PLEKHA7: variants seen among roughly 807,000 people sequenced by gnomAD.
PLEKHA7 encodes the protein pleckstrin homology domain containing A7.
Under a neutral mutation model 170.0 loss-of-function variants are expected in PLEKHA7, and 104 were observed. The ratio of observed to expected loss-of-function variants is 0.61; its 90% CI spans 0.52 to 0.72. The LOEUF (loss-of-function observed/expected upper bound fraction) is 0.72. Ranked by LOEUF, PLEKHA7 falls within the 30% of genes least tolerant of loss-of-function variation. PLEKHA7 has a pLI of 0.00. For synonymous variants in PLEKHA7, 648 were observed against 660.8 expected, an observed-to-expected ratio of 0.98 and a Z score of 0.30; for missense variants, 1,615 against 1,671.7, an observed-to-expected ratio of 0.97 and a Z score of 0.59.
intron 3 of PLEKHA7, among the ~76,000 whole-genome samples, chr11:16,938,298 C>T (rs539889921): frequency 4.6e-5 from 7 of 152,178 alleles, no homozygotes; most frequent in East Asian, 1.9e-4. Context: ...GCTTCGTCTG[C>T]ATTTATACAA....
chr11:16,907,171 GCCCCCCGCCCGGC>G (rs1440008337), intron 3 of PLEKHA7, among the ~76,000 whole-genome samples: 30 of 112,862 alleles, frequency 2.7e-4, no homozygotes, highest in African/African-American at 5.3e-4. Context: ...GGGGGGGTTA[GCCCCCCGCCCGGC>G]CAGCCGCCCC....
intron 8 of PLEKHA7, among the ~76,000 whole-genome samples, chr11:16,844,718 T>G (rs1852248061): frequency 6.6e-6 from 1 of 152,202 alleles, no homozygotes; most frequent in South Asian, 2.1e-4. Context: ...TCCTGGCTGT[T>G]GGACCTCAGT....
At chr11:16,949,235 C>A (rs1861254801) in intron 3 of PLEKHA7, among the ~76,000 whole-genome samples, 1 of 152,176 alleles carries the variant, frequency 6.6e-6, no homozygotes, top group Non-Finnish European at 1.5e-5. Flanking sequence ...TACACAGAAG[C>A]CATGCCTTCC....
intron 3 of PLEKHA7, among the ~76,000 whole-genome samples, chr11:16,999,551 C>T (rs1864542637): frequency 6.6e-6 from 1 of 152,070 alleles, no homozygotes; most frequent in African/African-American, 2.4e-5. Flanking sequence ...ACCTGGCTTC[C>T]CAGGCTCCCT....
intron 10 of PLEKHA7, among the ~76,000 whole-genome samples, chr11:16,820,647 G>A (rs1850140019): frequency 6.6e-6 from 1 of 152,162 alleles, no homozygotes; most frequent in African/African-American, 2.4e-5. Flanking sequence ...TGCAAACTAT[G>A]CAAAGCATTT....
chr11:16,870,565 G>A (rs952685137), intron 4 of PLEKHA7, among the ~76,000 whole-genome samples: 2 of 151,346 alleles, frequency 1.3e-5, no homozygotes, highest in African/African-American at 2.4e-5. Flanking sequence ...GGGAGGCCAA[G>A]GCTGCAGTGA....
chr11:16,829,365 G>C (rs1850923374), intron 9 of PLEKHA7, among the ~76,000 whole-genome samples: 1 of 152,056 alleles, frequency 6.6e-6, no homozygotes. Context: ...TACTTATACT[G>C]AAAGGGGTCC....
intron 3 of PLEKHA7, chr11:17,013,202 C>A (rs1044606983): frequency 6.6e-6 from 1 of 152,504 alleles, no homozygotes; most frequent in Non-Finnish European, 1.5e-5. Flanking sequence ...GAAAGCAAAG[C>A]CTGTACTGGC....
chr11:16,945,481 A>C (rs1287455092), intron 3 of PLEKHA7, among the ~76,000 whole-genome samples: 1 of 152,176 alleles, frequency 6.6e-6, no homozygotes, highest in Admixed American at 6.5e-5. Context: ...GAGTTCCTTA[A>C]GGACAATACC....
intron 3 of PLEKHA7, among the ~76,000 whole-genome samples, chr11:16,985,182 C>G (rs1256929281): frequency 6.6e-6 from 1 of 152,186 alleles, no homozygotes; most frequent in Non-Finnish European, 1.5e-5. Context: ...GCACCTGGCC[C>G]AGGGTTGGCA....
At chr11:17,002,036 G>A (rs536446784) in intron 3 of PLEKHA7, among the ~76,000 whole-genome samples, 8 of 152,308 alleles carry the variant, frequency 5.3e-5, no homozygotes, top group South Asian at 4.1e-4. Flanking sequence ...CATCTGTGGC[G>A]GGAGAGGGTG....
intron 3 of PLEKHA7, among the ~76,000 whole-genome samples, chr11:16,891,116 T>A (rs183821662): frequency 6.6e-6 from 1 of 152,026 alleles, no homozygotes; most frequent in African/African-American, 2.4e-5. Context: ...GGTCTTGCTA[T>A]GTTTCCCAGG....
chr11:16,953,925 T>C (rs574093567), intron 3 of PLEKHA7, among the ~76,000 whole-genome samples: 20 of 152,300 alleles, frequency 1.3e-4, no homozygotes, highest in African/African-American at 4.6e-4. Context: ...AAAACAATAA[T>C]TTGCCCTTTA....
chr11:16,988,413 C>CTTCCTTCT (rs1164232623), intron 3 of PLEKHA7, among the ~76,000 whole-genome samples: 4 of 152,070 alleles, frequency 2.6e-5, no homozygotes, highest in Non-Finnish European at 5.9e-5. Context: ...TCCTGCCTTC[C>CTTCCTTCT]TTCCTTCTTT....
intron 3 of PLEKHA7, among the ~76,000 whole-genome samples, chr11:17,000,316 A>G (rs1864590345): frequency 6.6e-6 from 1 of 151,232 alleles, no homozygotes; most frequent in South Asian, 2.1e-4. Context: ...CTGGTCTTGA[A>G]CTCTTGACCT....
At chr11:16,819,728 T>C (rs990885968) in intron 10 of PLEKHA7, among the ~76,000 whole-genome samples, 11 of 152,138 alleles carry the variant, frequency 7.2e-5, no homozygotes, top group South Asian at 4.1e-4. Context: ...ACCTCACTTA[T>C]ATGTGGGATC....
rs1848692731 is a variant in PLEKHA7 at position 16,802,856 on chromosome 11, TA to T, written c.2157+115del. 6 of 937,964 alleles carry T rather than the reference TA, an allele frequency of 6.4e-6. No homozygotes were observed. In the African/African-American group the frequency reaches 9.9e-5, roughly 15 times the overall value. The allele number at this position is 937,964 out of a possible 1,614,324, so 58.1% of individuals were successfully genotyped here. ...CCACCGCACCTGGTGCATTTTTTTT[TA>T]AATAAGCTAACATCTGCTCTTCAAT... On this transcript the variant is annotated intron_variant, in intron 15 of 26. Transcript: ENST00000531066.
chr11:16,884,757 A>G (rs140231216), intron 3 of PLEKHA7, among the ~76,000 whole-genome samples: 128 of 152,316 alleles, frequency 8.4e-4, no homozygotes, highest in Admixed American at 1.8e-3. Flanking sequence ...TTTTATTTCC[A>G]TGCAGTCCTC....
chr11:16,936,401 CAAAA>C (rs57104068), intron 3 of PLEKHA7, among the ~76,000 whole-genome samples: 5 of 68,148 alleles, frequency 7.3e-5, no homozygotes, highest in African/African-American at 1.1e-4. Context: ...GACTCTGTCT[CAAAA>C]AAAAAAAAAA....
Sources: gnomAD v4.1 joint callset for allele counts (sites outside exome capture counted in the v4.1 genomes callset) on GRCh38, gnomAD v4.1.1 for gene constraint, MANE v1.5 for transcripts, NCBI Gene and HGNC (gene_info 2026-07-23, HGNC 2026-07-21) for gene names.